Variants in ROR1 observed in about 807,000 individuals in gnomAD.
The protein encoded by ROR1 is ROR family WNT receptor 1.
In ROR1, 19 loss-of-function variants were observed where a neutral mutation model predicts 78.8. The observed-to-expected ratio is 0.24, with a 90% CI of 0.17 to 0.35. The LOEUF is 0.35. Among genes scored for constraint, ROR1 ranks in the 10% least tolerant of loss-of-function variants. The pLI is 1.00. For synonymous variants in ROR1, 386 were observed against 433.6 expected (o/e 0.89, Z 1.36); for missense variants, 917 against 1,177.8 (o/e 0.78, Z 3.24).
At chr1:63,888,889 C>T (rs1011517020) in intron 1 of ROR1, among the ~76,000 whole-genome samples, 1 of 152,034 alleles carries the variant, frequency 6.6e-6, no homozygotes, top group Non-Finnish European at 1.5e-5. Context: ...GCTGTATAAC[C>T]AATAACCCCA....
intron 1 of ROR1, among the ~76,000 whole-genome samples, chr1:63,943,032 G>A (rs1429139949): frequency 6.8e-6 from 1 of 147,730 alleles, no homozygotes; most frequent in Non-Finnish European, 1.5e-5. Flanking sequence ...AGAGACTGCA[G>A]CAAGCTGTGA....
At chr1:63,855,498 T>C (rs2100336740) in intron 1 of ROR1, among the ~76,000 whole-genome samples, 1 of 152,320 alleles carries the variant, frequency 6.6e-6, no homozygotes, top group East Asian at 1.9e-4. Flanking sequence ...TTAATTCCCT[T>C]TTTCCCTCTG....
At chr1:63,926,080 G>T (rs1282963174) in intron 1 of ROR1, among the ~76,000 whole-genome samples, 1 of 152,128 alleles carries the variant, frequency 6.6e-6, no homozygotes, top group Non-Finnish European at 1.5e-5. Context: ...TAGACATGAA[G>T]TCCTTGTCCA....
At position 64,146,854 on chromosome 1, in the gene ROR1, G is replaced by A. The variant is rs1649487235; in HGVS notation, c.1174+4204G>A. 2.0e-5 allele frequency among the ~76,000 whole-genome samples: 3 copies of A among 152,154 alleles called. No individual in the cohort carries two copies. In the South Asian group the frequency reaches 6.2e-4, roughly 32 times the overall value. ...ACTATGTGCCTGCATGGTGCCTGGT[G>A]CTTTACATATTCATCTCCATTTAAA... On this transcript the variant is annotated intron_variant, in intron 7 of 8. Coordinates refer to ENST00000371079, the MANE Select transcript of ROR1 (RefSeq NM_005012.4).
At chr1:64,177,035 AC>A (rs1193299415) in intron 8 of ROR1, among the ~76,000 whole-genome samples, 2 of 152,222 alleles carry the variant, frequency 1.3e-5, no homozygotes, top group East Asian at 3.8e-4. Context: ...TGCTTCTGAC[AC>A]CCTAATCTTC....
chr1:64,077,584 T>C (rs17126116), intron 4 of ROR1, among the ~76,000 whole-genome samples: 22,237 of 152,108 alleles, frequency 0.15, 1,711 homozygotes, highest in Middle Eastern at 0.2. Flanking sequence ...ACAGCTGAAC[T>C]CAAAGAGGCT....
chr1:64,171,000 C>T (rs1482518760), intron 8 of ROR1, among the ~76,000 whole-genome samples: 1 of 152,206 alleles, frequency 6.6e-6, no homozygotes, highest in Admixed American at 6.5e-5. Context: ...GAGTTCCAAA[C>T]TTTCCCACAT....
At chr1:64,037,713 G>A (rs140444100) in intron 2 of ROR1, among the ~76,000 whole-genome samples, 3 of 152,292 alleles carry the variant, frequency 2.0e-5, no homozygotes, top group East Asian at 3.9e-4. Context: ...TAGCAATCCT[G>A]CTGGAGGAGG....
chr1:63,876,782 A>C (rs1354362575), intron 1 of ROR1, among the ~76,000 whole-genome samples: 1 of 151,700 alleles, frequency 6.6e-6, no homozygotes, highest in African/African-American at 2.4e-5. Flanking sequence ...TAGGTTGGCT[A>C]TACAGCAATG....
intron 1 of ROR1, among the ~76,000 whole-genome samples, chr1:63,961,476 A>G (rs1431364725): frequency 6.6e-6 from 1 of 152,236 alleles, no homozygotes; most frequent in East Asian, 1.9e-4. Context: ...AAAATGTGGT[A>G]CATATACACA....
At chr1:64,156,635 A>G (rs1649778836) in intron 7 of ROR1, among the ~76,000 whole-genome samples, 1 of 137,166 alleles carries the variant, frequency 7.3e-6, no homozygotes, top group Non-Finnish European at 1.5e-5. Flanking sequence ...TGAACCCGGG[A>G]GGCGGACGTT....
At chr1:63,991,835 A>AACATC (rs1400381780) in intron 1 of ROR1, among the ~76,000 whole-genome samples, 1 of 152,228 alleles carries the variant, frequency 6.6e-6, no homozygotes, top group Non-Finnish European at 1.5e-5. Context: ...AAGCCAGTAT[A>AACATC]ACATCACTAA....
intron 4 of ROR1, among the ~76,000 whole-genome samples, chr1:64,132,955 T>C: frequency 6.6e-6 from 1 of 152,058 alleles, no homozygotes; most frequent in Middle Eastern, 3.2e-3. Flanking sequence ...GGGTCCACTT[T>C]GGTGGGCTAC....
At chr1:63,932,334 T>C (rs1645759411) in intron 1 of ROR1, among the ~76,000 whole-genome samples, 1 of 152,054 alleles carries the variant, frequency 6.6e-6, no homozygotes, top group Non-Finnish European at 1.5e-5. Context: ...TCCCATTGTG[T>C]GCAGAAAGAG....
intron 1 of ROR1, among the ~76,000 whole-genome samples, chr1:63,938,294 A>C (rs1310777904): frequency 6.6e-6 from 1 of 152,172 alleles, no homozygotes; most frequent in East Asian, 1.9e-4. Flanking sequence ...ATACAGGAGG[A>C]TATGCATAGG....
At chr1:64,167,673 A>G (rs1650122225) in intron 8 of ROR1, among the ~76,000 whole-genome samples, 1 of 152,220 alleles carries the variant, frequency 6.6e-6, no homozygotes, top group Non-Finnish European at 1.5e-5. Context: ...AAGCAGATCC[A>G]TGTCAACAGC....
chr1:64,170,432 G>A (rs976319040), intron 8 of ROR1, among the ~76,000 whole-genome samples: 1 of 152,152 alleles, frequency 6.6e-6, no homozygotes, highest in African/African-American at 2.4e-5. Context: ...AGGGCACTAA[G>A]TACCTAGACT....
intron 1 of ROR1, among the ~76,000 whole-genome samples, chr1:63,902,221 T>C: frequency 6.6e-6 from 1 of 152,206 alleles, no homozygotes; most frequent in South Asian, 2.1e-4. Flanking sequence ...ATATGCAACA[T>C]TTTAAATATA....
At position 64,173,879 on chromosome 1, in the gene ROR1, C is replaced by G. The variant is rs564547381; in HGVS notation, c.1387-3549C>G. Among the ~76,000 whole-genome samples the G allele has an allele frequency of 5.9e-5, 9 of 152,266 alleles. No individual in the cohort carries two copies. The South Asian group carries it at 1.7e-3, about 28-fold the overall frequency. Reference sequence around the variant, plus strand: ...CACTCTTCCACACGAGTTCTTGTTGCCTTCACCTTCATTCACATCTCAGAG... The same window carrying G: ...CACTCTTCCACACGAGTTCTTGTTGGCTTCACCTTCATTCACATCTCAGAG... On this transcript the variant is annotated intron_variant, in intron 8 of 8. Coordinates refer to ENST00000371079, the MANE Select transcript of ROR1 (RefSeq NM_005012.4).
Sources: gnomAD v4.1 joint callset for allele counts (sites outside exome capture counted in the v4.1 genomes callset) on GRCh38, gnomAD v4.1.1 for gene constraint, MANE v1.5 for transcripts, NCBI Gene and HGNC (gene_info 2026-07-23, HGNC 2026-07-21) for gene names.